Variants in PPARA observed in about 807,000 individuals in gnomAD.
PPARA encodes the protein peroxisome proliferator activated receptor alpha, also known as peroxisome proliferator-activated receptor alpha.
A neutral mutation model predicts 42.2 loss-of-function variants in PPARA; 22 were observed. That is an observed-to-expected ratio of 0.52 (90% CI 0.37 to 0.74). The LOEUF is 0.74. Among genes scored for constraint, PPARA ranks in the 30% least tolerant of loss-of-function variants. The probability of loss-of-function intolerance (pLI) is 0.00; values close to 1 mark genes in which losing one functional copy is unlikely to be tolerated. For missense variants in PPARA, 465 were observed against 608.2 expected (o/e 0.76, Z 2.48); for synonymous variants, 242 against 239.3 (o/e 1.01, Z -0.10).
At chr22:46,229,381 C>T (rs757100199) in intron 7 of PPARA, among the ~76,000 whole-genome samples, 1 of 151,726 alleles carries the variant, frequency 6.6e-6, no homozygotes, top group Non-Finnish European at 1.5e-5. Context: ...AGGTGAAACC[C>T]GTCTCTACTA....
Position 46,200,405 on chromosome 22 carries a change from G to C in PPARA, c.208+1814G>C, listed in dbSNP as rs1029155374. On this transcript the variant is annotated intron_variant, in intron 4 of 8. Coordinates refer to ENST00000407236, the MANE Select transcript of PPARA (RefSeq NM_005036.6). The surrounding 1 kb of genome is among the most constrained non-coding windows in gnomAD (Gnocchi z 4.8). ...GCCTGTTGCTCCAAGGCACGCACCT[G>C]TACAGCGTGTTACTGTACTGAACGG... Among the ~76,000 whole-genome samples the C allele has an allele frequency of 6.6e-6, 1 of 152,270 alleles. No individual in the cohort carries two copies. The highest frequency in any genetic ancestry group is 1.5e-5 in the Non-Finnish European group (1 of 68,052).
At chr22:46,210,110 G>A (rs1005398196) in intron 4 of PPARA, among the ~76,000 whole-genome samples, 1 of 151,810 alleles carries the variant, frequency 6.6e-6, no homozygotes, top group Admixed American at 6.6e-5. Flanking sequence ...GGGAGTTCGA[G>A]ACCAGCCTGA....
chr22:46,189,704 T>C (rs1158630751), intron 3 of PPARA, among the ~76,000 whole-genome samples: 1 of 150,282 alleles, frequency 6.7e-6, no homozygotes, highest in East Asian at 1.9e-4. Flanking sequence ...TTTCTTTCTA[T>C]TTTTTTTCTT....
chr22:46,214,649 C>T (rs980009763), intron 4 of PPARA, among the ~76,000 whole-genome samples: 4 of 142,758 alleles, frequency 2.8e-5, no homozygotes, highest in African/African-American at 1.1e-4. Context: ...TGCCCAGGTC[C>T]GGGGATCCAC....
chr22:46,239,525 TG>T lies in PPARA; in HGVS notation c.*4146del, dbSNP rs1488781183. 6.8e-6 allele frequency: 1 copy of T among 147,466 alleles called. No individual in the cohort carries two copies. The highest frequency in any genetic ancestry group is 2.5e-5 in the African/African-American group (1 of 39,638). The allele number at this position is 147,466 out of a possible 1,614,324, so 9.1% of individuals were successfully genotyped here. ...TGACGTCTGGAAGGAACTTCGGTTG[TG>T]TAAAGGGAGCCTTGAAGATACGTGC... On this transcript the variant is annotated 3_prime_UTR_variant, in exon 9 of 9. Transcript: ENST00000407236.
intron 3 of PPARA, among the ~76,000 whole-genome samples, chr22:46,197,066 T>C (rs1932335231): frequency 6.6e-6 from 1 of 151,728 alleles, no homozygotes; most frequent in Admixed American, 6.6e-5. Context: ...TGGTTTTTTT[T>C]TGAGACACGG....
Position 46,227,815 on chromosome 22 carries a change from G to C in PPARA, c.712-3977G>C, listed in dbSNP as rs1325791745. On this transcript the variant is annotated intron_variant, in intron 7 of 8. Transcript: ENST00000407236. This position sits in a 1 kb window ranked among gnomAD's most constrained non-coding sequence, Gnocchi z 4.3. ...CAGATATATTCATAGTCAAGCTTGAGTATAAAAGGCATATTCCAAAGTTAA... is the reference window on the plus strand; with the variant it reads ...CAGATATATTCATAGTCAAGCTTGACTATAAAAGGCATATTCCAAAGTTAA... Among the ~76,000 whole-genome samples the C allele has an allele frequency of 6.6e-6, 1 of 152,194 alleles. No homozygotes were observed. Among genetic ancestry groups the C allele is most frequent in the South Asian group, 2.1e-4 (1 of 4,836 alleles).
At chr22:46,174,249 A>AAAAG in intron 2 of PPARA, among the ~76,000 whole-genome samples, 1 of 11,880 alleles carries the variant, frequency 8.4e-5, no homozygotes, top group Non-Finnish European at 5.2e-4. Context: ...AAAGAAAGAA[A>AAAAG]GAAGGAAGGA....
Position 46,203,748 on chromosome 22 carries a change from G to T in PPARA, c.208+5157G>T, listed in dbSNP as rs187563633. Among the ~76,000 whole-genome samples the T allele has an allele frequency of 3.3e-5, 5 of 152,222 alleles. No homozygotes were observed. The highest frequency in any genetic ancestry group is 7.3e-5 in the Non-Finnish European group (5 of 68,032). ...CTGGAGGCCAGGCTCCTCCCGCTGC[G>T]CAAGGTGAGAACTTCCCGTGGCTCC... On this transcript the variant is annotated intron_variant, in intron 4 of 8. Coordinates refer to ENST00000407236, the MANE Select transcript of PPARA (RefSeq NM_005036.6). This position sits in a 1 kb window ranked among gnomAD's most constrained non-coding sequence, Gnocchi z 5.8.
chr22:46,179,027 C>T (rs532935837), intron 3 of PPARA, among the ~76,000 whole-genome samples: 58 of 152,256 alleles, frequency 3.8e-4, no homozygotes, highest in Non-Finnish European at 6.9e-4. Flanking sequence ...CCGGTGAGGG[C>T]CTTCCTGCTG....
rs1470401439 is a variant in PPARA at position 46,187,127 on chromosome 22, C to T, written c.-43+10291C>T. ...TCCCCTGAGGTTGGCCTTGCAGCCT[C>T]TCTAGGCACTGCTGCTGCTGCTAAG... On this transcript the variant is annotated intron_variant, in intron 3 of 8. Transcript: ENST00000407236. This position sits in a 1 kb window ranked among gnomAD's most constrained non-coding sequence, Gnocchi z 4.9. 6.6e-6 allele frequency among the ~76,000 whole-genome samples: 1 copy of T among 152,202 alleles called. No homozygotes were observed. The highest frequency in any genetic ancestry group is 1.5e-5 in the Non-Finnish European group (1 of 68,050).
intron 4 of PPARA, among the ~76,000 whole-genome samples, chr22:46,207,677 A>ATTAT (rs1555951376): frequency 9.9e-5 from 5 of 50,726 alleles, no homozygotes; most frequent in African/African-American, 4.2e-4. Context: ...TATTATTATT[A>ATTAT]TTTTTTTTTT....
chr22:46,172,338 A>C (rs1471926101), intron 2 of PPARA, among the ~76,000 whole-genome samples: 1 of 151,304 alleles, frequency 6.6e-6, no homozygotes, highest in African/African-American at 2.4e-5. Flanking sequence ...AAAAAAAAAA[A>C]AACAGCATTG....
rs111225851 is a variant in PPARA at position 46,216,383 on chromosome 22, C to CAA, written c.369+1063_369+1064dup. Among the ~76,000 whole-genome samples the CAA allele has an allele frequency of 6.8e-5, 9 of 131,504 alleles. No individual in the cohort carries two copies. The South Asian group carries it at 7.6e-4, about 11-fold the overall frequency. The allele number at this position is 131,504 out of a possible 152,430, so 86.3% of individuals were successfully genotyped here. Reference sequence around the variant, plus strand: ...AGGCGACAAGAGTAAAACTTCATCTCAAAAAAAAAAAAAAGAGAGAAAAGA... The same window carrying CAA: ...AGGCGACAAGAGTAAAACTTCATCTCAAAAAAAAAAAAAAAAGAGAGAAAAGA... On this transcript the variant is annotated intron_variant, in intron 5 of 8. Transcript: ENST00000407236. The surrounding 1 kb of genome is among the most constrained non-coding windows in gnomAD (Gnocchi z 4.5).
intron 7 of PPARA, among the ~76,000 whole-genome samples, chr22:46,228,900 C>G (rs1026615090): frequency 2.0e-5 from 3 of 151,460 alleles, no homozygotes; most frequent in Admixed American, 2.0e-4. Context: ...GTCAGGAGAT[C>G]GAGACCATCC....
intron 4 of PPARA, among the ~76,000 whole-genome samples, chr22:46,205,972 G>T (rs1246114452): frequency 6.6e-6 from 1 of 151,950 alleles, no homozygotes; most frequent in Non-Finnish European, 1.5e-5. Flanking sequence ...TAACTGGTTT[G>T]TGTCTTTATA....
At position 46,238,677 on chromosome 22, in the gene PPARA, C is replaced by G. The variant is rs765915623; in HGVS notation, c.*3297C>G. 3.3e-5 allele frequency: 5 copies of G among 152,324 alleles called. No homozygotes were observed. Among genetic ancestry groups the G allele is most frequent in the Admixed American group, 3.3e-4 (5 of 15,288 alleles). 9.4% of individuals were successfully genotyped at this position (152,324 alleles called of 1,614,324 possible). A position where few individuals can be genotyped will look rare whatever the true frequency, so the allele number is the denominator to read the frequency against. The stretch of plus-strand genomic sequence containing the variant: ...TCCTCCCAGACGTGCCTCTTGTGTG[C>G]CAGCTGGCTGTGGCTCGGGAGCAGA... On this transcript the variant is annotated 3_prime_UTR_variant, in exon 9 of 9. Transcript: ENST00000407236. The surrounding 1 kb of genome is among the most constrained non-coding windows in gnomAD (Gnocchi z 8.3).
At chr22:46,166,683 C>T (rs936499355) in intron 2 of PPARA, among the ~76,000 whole-genome samples, 29 of 150,872 alleles carry the variant, frequency 1.9e-4, no homozygotes, top group Admixed American at 5.3e-4. Context: ...AGATAAAATG[C>T]GCGAGGCCTG....
At chr22:46,181,594 C>T (rs950106576) in intron 3 of PPARA, among the ~76,000 whole-genome samples, 5 of 152,074 alleles carry the variant, frequency 3.3e-5, no homozygotes, top group African/African-American at 7.2e-5. Context: ...GTTGTCCCCC[C>T]CAAAGATTGA....
Sources: allele counts gnomAD v4.1 joint callset (sites outside exome capture counted in the v4.1 genomes callset), GRCh38; gene constraint gnomAD v4.1.1; non-coding constraint Gnocchi (gnomAD v3.1); transcripts MANE v1.5; gene names NCBI Gene and HGNC (gene_info 2026-07-23, HGNC 2026-07-21).